Variants in PCDHGB3 observed in about 807,000 individuals in gnomAD.
PCDHGB3 encodes protocadherin gamma-B3.
PCDHGB3 carries 40 observed loss-of-function variants against 59.2 expected under a neutral mutation model. The observed-to-expected ratio is 0.68, with a 90% confidence interval of 0.52 to 0.88. The LOEUF is 0.88. PCDHGB3 is among the 40% of genes least tolerant of loss of function. The pLI is 0.00. For missense variants in PCDHGB3, 1,309 were observed against 1,187.9 expected (o/e 1.10, Z -1.50); for synonymous variants, 581 against 503.6 (o/e 1.15, Z -2.06).
chr5:141,456,427 T>A (rs1156577293), intron 1 of PCDHGB3, among the ~76,000 whole-genome samples: 1 of 152,166 alleles, frequency 6.6e-6, no homozygotes, highest in East Asian at 1.9e-4. Context: ...ATTCAAGTTA[T>A]AGTATTGAGT....
intron 1 of PCDHGB3, chr5:141,415,217 GCTTCGAGTCT>G: frequency 2.5e-6 from 4 of 1,614,124 alleles, no homozygotes; most frequent in Non-Finnish European, 3.4e-6. Context: ...GACCTCGGCA[GCTTCGAGTCT>G]CCAGCTAACT....
intron 1 of PCDHGB3, chr5:141,399,895 G>A (rs570331620): frequency 6.2e-7 from 1 of 1,612,586 alleles, no homozygotes; most frequent in African/African-American, 1.3e-5. Flanking sequence ...GGTAGTGGCC[G>A]TGGACGCAGA....
chr5:141,430,258 A>T (rs542653323), intron 1 of PCDHGB3, among the ~76,000 whole-genome samples: 1 of 147,968 alleles, frequency 6.8e-6, no homozygotes, highest in Non-Finnish European at 1.5e-5. Flanking sequence ...AGACATCTCC[A>T]TAATAGGTGT....
In PCDHGB3 at chr5:141,490,453, T is replaced by C; in HGVS notation, c.2416-4354T>C. 6.2e-7 allele frequency: 1 copy of C among 1,614,178 alleles called. No homozygotes were observed. Among genetic ancestry groups the C allele is most frequent in the Non-Finnish European group, 8.5e-7 (1 of 1,180,042 alleles). ...GATTAAGCCTTCTGAGAACCACTAC[T>C]CGCTGCTAACCAGCCAGCCTTTGGA... On this transcript the variant is annotated intron_variant, in intron 1 of 3. Coordinates refer to ENST00000576222, the MANE Select transcript of PCDHGB3 (RefSeq NM_018924.5). This position sits in a 1 kb window ranked among gnomAD's most constrained non-coding sequence, Gnocchi z 5.4.
intron 1 of PCDHGB3, among the ~76,000 whole-genome samples, chr5:141,458,982 C>G (rs2098958289): frequency 6.6e-6 from 1 of 152,164 alleles, no homozygotes; most frequent in Admixed American, 6.5e-5. Flanking sequence ...GTCCTCCTGC[C>G]TCACCCTCCC....
chr5:141,466,581 T>C (rs1426600962), intron 1 of PCDHGB3, among the ~76,000 whole-genome samples: 2 of 152,198 alleles, frequency 1.3e-5, no homozygotes, highest in Non-Finnish European at 2.9e-5. Flanking sequence ...GTCTCATCCC[T>C]TCTTAAAACA....
At chr5:141,483,801 C>CT (rs1486591615) in intron 1 of PCDHGB3, among the ~76,000 whole-genome samples, 8 of 152,168 alleles carry the variant, frequency 5.3e-5, no homozygotes, top group Non-Finnish European at 8.8e-5. Flanking sequence ...GTTGTTGCTG[C>CT]TTTTTTTGGC....
rs1007318194 is a variant in PCDHGB3, at chr5:141,512,035, T to G, written c.*862T>G. On this transcript the variant is annotated 3_prime_UTR_variant, in exon 4 of 4. Coordinates refer to ENST00000576222, the MANE Select transcript of PCDHGB3 (RefSeq NM_018924.5). ...AAGTTATCAAGGCCTTGGAGGAGGC[T>G]CTGTATGTCCTCAGGGGACTGACAA... 1.3e-5 allele frequency: 2 copies of G among 152,870 alleles called. No individual in the cohort carries two copies. Among genetic ancestry groups the G allele is most frequent in the African/African-American group, 4.8e-5 (2 of 41,464 alleles). The allele number at this position is 152,870 out of a possible 1,614,324, so 9.5% of individuals were successfully genotyped here.
At position 141,431,427 on chromosome 5, in the gene PCDHGB3, C is replaced by G. The variant is rs1269666597; in HGVS notation, c.2415+58618C>G. The stretch of plus-strand genomic sequence containing the variant: ...TCCGACGGGGGCGACCCGGTGCGCA[C>G]AGGCACCGCGCGCATCCGCGTGATG... On this transcript the variant is annotated intron_variant, in intron 1 of 3. Transcript: ENST00000576222. The surrounding 1 kb of genome is among the most constrained non-coding windows in gnomAD (Gnocchi z 4.8). 1.2e-6 allele frequency: 2 copies of G among 1,613,584 alleles called. No homozygotes were observed.
intron 1 of PCDHGB3, chr5:141,424,504 G>GT (rs892941709): frequency 6.6e-6 from 1 of 152,016 alleles, no homozygotes; most frequent in African/African-American, 2.4e-5. Context: ...TGTATGGAAG[G>GT]TTTTTTAATG....
At chr5:141,426,015 T>G (rs1168777347) in intron 1 of PCDHGB3, among the ~76,000 whole-genome samples, 3 of 152,200 alleles carry the variant, frequency 2.0e-5, no homozygotes, top group African/African-American at 7.2e-5. Flanking sequence ...GGCTGCAGTT[T>G]TCTAAATAGA....
At chr5:141,399,189 A>G (rs1015744299) in intron 1 of PCDHGB3, 11 of 1,613,970 alleles carry the variant, frequency 6.8e-6, no homozygotes, top group African/African-American at 1.3e-5. Context: ...TGATTCTGGA[A>G]AACGCGGTGC....
At chr5:141,467,134 C>T (rs905270517) in intron 1 of PCDHGB3, among the ~76,000 whole-genome samples, 19 of 151,750 alleles carry the variant, frequency 1.3e-4, no homozygotes, top group African/African-American at 4.6e-4. Flanking sequence ...CTCACTGCAA[C>T]CTCTGCCTCC....
chr5:141,487,041 G>C lies in PCDHGB3; in HGVS notation c.2416-7766G>C, dbSNP rs149314216. On this transcript the variant is annotated intron_variant, in intron 1 of 3. Coordinates refer to ENST00000576222, the MANE Select transcript of PCDHGB3 (RefSeq NM_018924.5). The surrounding 1 kb of genome is among the most constrained non-coding windows in gnomAD (Gnocchi z 5.0). ...GATCCCAGCCTGTTTGCAGTCTCTC[G>C]ATATGCTGGGGAGGTGCGGACGGCT... 2.5e-6 allele frequency: 4 copies of C among 1,614,018 alleles called. No homozygotes were observed. Among genetic ancestry groups the C allele is most frequent in the South Asian group, 2.2e-5 (2 of 91,084 alleles).
chr5:141,482,205 C>A (rs1478729653), intron 1 of PCDHGB3, among the ~76,000 whole-genome samples: 1 of 151,896 alleles, frequency 6.6e-6, no homozygotes, highest in Non-Finnish European at 1.5e-5. Context: ...TAAAACAGAC[C>A]AGGTACTTGT....
intron 1 of PCDHGB3, among the ~76,000 whole-genome samples, chr5:141,460,992 T>C (rs2099006034): frequency 6.6e-6 from 1 of 151,316 alleles, no homozygotes; most frequent in South Asian, 2.1e-4. Context: ...TGTATATATA[T>C]ATATGTGTAT....
At chr5:141,503,620 A>C (rs1475731896) in intron 2 of PCDHGB3, among the ~76,000 whole-genome samples, 1 of 152,026 alleles carries the variant, frequency 6.6e-6, no homozygotes, top group East Asian at 1.9e-4. Flanking sequence ...AAAAAGAAAA[A>C]AGAAAAGAAA....
intron 1 of PCDHGB3, chr5:141,374,947 C>G (rs768274787): frequency 6.2e-7 from 1 of 1,613,900 alleles, no homozygotes; most frequent in African/African-American, 1.3e-5. Context: ...CAGAAAAGAT[C>G]TCACAAATTT....
chr5:141,486,284 C>G lies in PCDHGB3; in HGVS notation c.2416-8523C>G, dbSNP rs1259853159. ...TGCAGAACCTGGCACTGTGGTGGCA[C>G]TTATCAGTGTGCAGGATCCAGACTC... On this transcript the variant is annotated intron_variant, in intron 1 of 3. Transcript: ENST00000576222. This position sits in a 1 kb window ranked among gnomAD's most constrained non-coding sequence, Gnocchi z 5.0. The G allele has an allele frequency of 6.2e-7, 1 of 1,614,050 alleles. No homozygotes were observed. The highest frequency in any genetic ancestry group is 8.5e-7 in the Non-Finnish European group (1 of 1,179,988).
Sources: gnomAD v4.1 joint callset for allele counts (sites outside exome capture counted in the v4.1 genomes callset) on GRCh38, gnomAD v4.1.1 for gene constraint, Gnocchi (gnomAD v3.1) non-coding constraint, MANE v1.5 for transcripts, NCBI Gene and HGNC (gene_info 2026-07-23, HGNC 2026-07-21) for gene names.